The following NEK11 variants were observed in gnomAD, a reference collection of about 807,000 sequenced individuals.
NEK11 encodes serine/threonine-protein kinase Nek11.
Under a neutral mutation model 80.7 loss-of-function variants are expected in NEK11, and 72 were observed. That is an observed-to-expected ratio of 0.89 (90% CI 0.74 to 1.08). The LOEUF is 1.08. NEK11 is among the 50% of genes least tolerant of loss of function. NEK11 has a pLI of 0.00. For synonymous variants in NEK11, 251 were observed against 260.7 expected, an observed-to-expected ratio of 0.96 and a Z score of 0.36; for missense variants, 764 against 763.6, an observed-to-expected ratio of 1.00 and a Z score of -0.01.
chr3:131,169,729 C>T (rs1170146866), intron 13 of NEK11, among the ~76,000 whole-genome samples: 1 of 152,200 alleles, frequency 6.6e-6, no homozygotes, highest in African/African-American at 2.4e-5. Flanking sequence ...CCATGTCCTT[C>T]TCTTTCTAAG....
intron 7 of NEK11, among the ~76,000 whole-genome samples, chr3:131,148,972 T>G (rs1346909779): frequency 6.6e-6 from 1 of 152,056 alleles, no homozygotes; most frequent in African/African-American, 2.4e-5. Flanking sequence ...CTCAAACATT[T>G]ATCATTTCTT....
intron 17 of NEK11, among the ~76,000 whole-genome samples, chr3:131,332,194 C>T (rs569174883): frequency 6.6e-6 from 1 of 152,324 alleles, no homozygotes; most frequent in East Asian, 1.9e-4. Flanking sequence ...GACCCCTGAG[C>T]AACCTAACTG....
At chr3:131,342,549 C>CTT (rs201528368) in intron 17 of NEK11, among the ~76,000 whole-genome samples, 6,311 of 135,744 alleles carry the variant, frequency 0.046, 419 homozygotes, top group African/African-American at 0.14. Context: ...CTCCTGGTGT[C>CTT]TTTTTTTTTT....
intron 11 of NEK11, among the ~76,000 whole-genome samples, chr3:131,162,906 T>C (rs2091805782): frequency 6.6e-6 from 1 of 152,194 alleles, no homozygotes; most frequent in Admixed American, 6.5e-5. Flanking sequence ...CCAGGAGACC[T>C]CACTTATTTA....
At chr3:131,335,002 G>A (rs142773038) in intron 17 of NEK11, among the ~76,000 whole-genome samples, 18,182 of 151,978 alleles carry the variant, frequency 0.12, 1,534 homozygotes, top group East Asian at 0.3. Context: ...AAAAGAGTCC[G>A]GGACCAGATG....
At chr3:131,156,905 G>A (rs956769419) in intron 10 of NEK11, among the ~76,000 whole-genome samples, 1 of 151,452 alleles carries the variant, frequency 6.6e-6, no homozygotes, top group East Asian at 1.9e-4. Context: ...TTATGTGCTG[G>A]TTGTTGGGAT....
intron 3 of NEK11, among the ~76,000 whole-genome samples, chr3:131,032,148 G>A (rs1299992797): frequency 6.6e-6 from 1 of 152,078 alleles, no homozygotes. Context: ...TTTTAGTAGA[G>A]ACAGGGTTTC....
At chr3:131,039,034 A>T (rs2066053180) in intron 3 of NEK11, among the ~76,000 whole-genome samples, 1 of 152,320 alleles carries the variant, frequency 6.6e-6, no homozygotes, top group South Asian at 2.1e-4. Context: ...GTCATTGTTG[A>T]CTTCCTAAAA....
chr3:131,099,944 TTTTA>T (rs2078113285), intron 4 of NEK11, among the ~76,000 whole-genome samples: 1 of 152,172 alleles, frequency 6.6e-6, no homozygotes, highest in Admixed American at 6.5e-5. Context: ...TTTGGATGCC[TTTTA>T]TTTCTTTCTC....
chr3:131,207,354 C>T (rs986087116), intron 14 of NEK11, among the ~76,000 whole-genome samples: 24 of 152,060 alleles, frequency 1.6e-4, no homozygotes, highest in Admixed American at 2.6e-4. Context: ...GAGGCTGAGG[C>T]GGGTGGATCA....
chr3:131,145,562 G>A, intron 7 of NEK11, among the ~76,000 whole-genome samples: 1 of 152,058 alleles, frequency 6.6e-6, no homozygotes, highest in East Asian at 1.9e-4. Context: ...AGTGAATTAA[G>A]GTTCTATATA....
At chr3:131,171,578 C>T (rs1317820195) in intron 14 of NEK11, among the ~76,000 whole-genome samples, 1 of 152,204 alleles carries the variant, frequency 6.6e-6, no homozygotes, top group African/African-American at 2.4e-5. Flanking sequence ...GCCCTGACAA[C>T]ATAATCTCTC....
chr3:131,341,952 T>A (rs969010601), intron 17 of NEK11, among the ~76,000 whole-genome samples: 1 of 152,206 alleles, frequency 6.6e-6, no homozygotes, highest in Non-Finnish European at 1.5e-5. Flanking sequence ...TCTAGTCCAT[T>A]TACATTTATT....
intron 17 of NEK11, among the ~76,000 whole-genome samples, chr3:131,278,217 G>A (rs1012909994): frequency 3.3e-5 from 5 of 152,146 alleles, no homozygotes; most frequent in Admixed American, 3.3e-4. Flanking sequence ...ACTCTTGCAG[G>A]GAGACTACTC....
chr3:131,235,249 G>A (rs3965152), intron 15 of NEK11, among the ~76,000 whole-genome samples: 26,313 of 151,996 alleles, frequency 0.17, 4,864 homozygotes, highest in African/African-American at 0.46. Flanking sequence ...AGTAGTTGCA[G>A]TGGACCCTCT....
chr3:131,303,282 A>G (rs909852334), intron 17 of NEK11, among the ~76,000 whole-genome samples: 5 of 151,780 alleles, frequency 3.3e-5, no homozygotes, highest in Non-Finnish European at 7.4e-5. Flanking sequence ...TCTTTATCCA[A>G]CTCGACACAG....
chr3:131,076,436 T>C (rs1415509803), intron 3 of NEK11, among the ~76,000 whole-genome samples: 1 of 151,686 alleles, frequency 6.6e-6, no homozygotes, highest in Non-Finnish European at 1.5e-5. Flanking sequence ...ACTATTTCCT[T>C]GTAAATTAGA....
At chr3:131,102,576 T>C (rs2078550333) in intron 4 of NEK11, among the ~76,000 whole-genome samples, 1 of 152,220 alleles carries the variant, frequency 6.6e-6, no homozygotes, top group Non-Finnish European at 1.5e-5. Flanking sequence ...CCTCTGTGCA[T>C]GAATTGACTT....
intron 17 of NEK11, among the ~76,000 whole-genome samples, chr3:131,274,632 CTTTTTTTTT>C (rs756861338): frequency 3.3e-4 from 15 of 45,330 alleles, no homozygotes; most frequent in African/African-American, 8.7e-4. Context: ...TGTTTCCTGA[CTTTTTTTTT>C]TTTTTTTTTT....
Sources: allele counts gnomAD v4.1 joint callset (sites outside exome capture counted in the v4.1 genomes callset), GRCh38; gene constraint gnomAD v4.1.1; transcripts MANE v1.5; gene names NCBI Gene and HGNC (gene_info 2026-07-23, HGNC 2026-07-21).